CDC14A: variants seen among roughly 807,000 people sequenced by gnomAD.
CDC14A encodes the protein dual specificity protein phosphatase CDC14A.
A neutral mutation model predicts 74.4 loss-of-function variants in CDC14A; 53 were observed. That is an observed-to-expected ratio of 0.71 (90% confidence interval 0.57 to 0.89). The LOEUF is 0.89. CDC14A is among the 40% of genes least tolerant of loss of function. CDC14A has a pLI of 0.00. For missense variants in CDC14A, 646 were observed against 713.7 expected (o/e 0.91, Z 1.08); for synonymous variants, 247 against 258.4 (o/e 0.96, Z 0.43).
At chr1:100,409,779 G>A (rs111424924) in intron 4 of CDC14A, among the ~76,000 whole-genome samples, 28 of 152,262 alleles carry the variant, frequency 1.8e-4, no homozygotes, top group African/African-American at 6.0e-4. Context: ...CATAGGAATG[G>A]ACCCATCCTG....
chr1:100,419,147 C>T (rs955867609), intron 4 of CDC14A, among the ~76,000 whole-genome samples: 8 of 152,214 alleles, frequency 5.3e-5, no homozygotes, highest in African/African-American at 1.7e-4. Context: ...GATTGTGCCA[C>T]TGCACTCCAG....
chr1:100,494,719 A>T (rs1647519628), intron 11 of CDC14A, 99 bp from the exon 12 acceptor site: 1 of 620,706 alleles, frequency 1.6e-6, no homozygotes, highest in Non-Finnish European at 2.9e-6. Context: ...AATCTATATT[A>T]AGATAATCTG....
chr1:100,440,874 TCA>T (rs900101368), intron 6 of CDC14A, among the ~76,000 whole-genome samples: 3 of 152,320 alleles, frequency 2.0e-5, no homozygotes, highest in Admixed American at 6.5e-5. Context: ...TTAAACCCTA[TCA>T]AACTTTAAAA....
intron 4 of CDC14A, among the ~76,000 whole-genome samples, chr1:100,415,036 A>G (rs28361219): frequency 1.7e-3 from 259 of 152,278 alleles, no homozygotes; most frequent in African/African-American, 5.8e-3. Flanking sequence ...CACTGAGACA[A>G]TGCTAGCAAG....
At chr1:100,441,593 A>G (rs1664934036) in intron 6 of CDC14A, among the ~76,000 whole-genome samples, 2 of 152,220 alleles carry the variant, frequency 1.3e-5, no homozygotes, top group South Asian at 4.1e-4. Flanking sequence ...AATCCTTCAG[A>G]GAGTTTGTAT....
chr1:100,411,009 G>A (rs1660621918), intron 4 of CDC14A, among the ~76,000 whole-genome samples: 1 of 150,346 alleles, frequency 6.7e-6, no homozygotes. Flanking sequence ...TGGTAGAGCT[G>A]TATAGTGATT....
intron 7 of CDC14A, among the ~76,000 whole-genome samples, chr1:100,446,784 A>C (rs1264556497): frequency 6.6e-6 from 1 of 152,030 alleles, no homozygotes; most frequent in Non-Finnish European, 1.5e-5. Context: ...TGTAGCCTTG[A>C]CCCTCTGGGC....
At chr1:100,345,504 A>G (rs191549164) in intron 1 of CDC14A, among the ~76,000 whole-genome samples, 1 of 152,280 alleles carries the variant, frequency 6.6e-6, no homozygotes, top group Admixed American at 6.5e-5. Flanking sequence ...AATAATGCAT[A>G]CAGTTGGTGG....
intron 7 of CDC14A, among the ~76,000 whole-genome samples, chr1:100,447,282 G>T (rs899911082): frequency 6.6e-6 from 1 of 152,194 alleles, no homozygotes; most frequent in Non-Finnish European, 1.5e-5. Flanking sequence ...ATGGCCCATT[G>T]TATTAAGTAT....
At chr1:100,403,540 C>T (rs1303722980) in intron 4 of CDC14A, among the ~76,000 whole-genome samples, 2 of 152,244 alleles carry the variant, frequency 1.3e-5, no homozygotes, top group Non-Finnish European at 2.9e-5. Context: ...TGAAAGTATT[C>T]TGAAGACTGC....
chr1:100,365,941 TACACACACACACACAC>T (rs34281009), intron 2 of CDC14A, among the ~76,000 whole-genome samples: 4 of 142,394 alleles, frequency 2.8e-5, no homozygotes, highest in South Asian at 2.3e-4. Context: ...AACAAAATTT[TACACACACACACACAC>T]ACACACACAC....
chr1:100,499,321 T>C, intron 15 of CDC14A, 59 bp downstream of exon 15: 6 of 1,614,108 alleles, frequency 3.7e-6, no homozygotes, highest in Non-Finnish European at 5.1e-6. Flanking sequence ...TTCTGTGCCT[T>C]GCCTTCCCAG....
upstream of CDC14A, among the ~76,000 whole-genome samples, chr1:100,350,584 A>G (rs1650863357): frequency 6.6e-6 from 1 of 152,106 alleles, no homozygotes; most frequent in Non-Finnish European, 1.5e-5. Flanking sequence ...TTGGAAAATA[A>G]CAAGAAGGTG....
chr1:100,412,693 GTTTTATATATATATATATATATATATATA>G (rs1660869197), intron 4 of CDC14A, among the ~76,000 whole-genome samples: 2 of 52,422 alleles, frequency 3.8e-5, no homozygotes, highest in Admixed American at 2.0e-4. Flanking sequence ...CTTCCTGTAT[GTTTTATATATATATATATATATATATATA>G]TTTTATATAT....
At chr1:100,511,126 C>G (rs1177787567) in intron 15 of CDC14A, among the ~76,000 whole-genome samples, 1 of 152,146 alleles carries the variant, frequency 6.6e-6, no homozygotes, top group Non-Finnish European at 1.5e-5. Context: ...TTGCCCTAAC[C>G]ACTTCCTTCT....
chr1:100,369,735 C>T (rs1346604638), intron 2 of CDC14A, among the ~76,000 whole-genome samples: 1 of 152,026 alleles, frequency 6.6e-6, no homozygotes, highest in African/African-American at 2.4e-5. Context: ...TTAATTAGGT[C>T]CCACTTGTCA....
chr1:100,491,546 CTCTATA>C (rs1430285793), intron 11 of CDC14A, among the ~76,000 whole-genome samples: 9 of 39,928 alleles, frequency 2.3e-4, no homozygotes, highest in African/African-American at 4.5e-4. Flanking sequence ...CTCTCTCTCT[CTCTATA>C]TATATATATA....
rs375725963 is a variant in CDC14A, at chr1:100,462,869, G to A, written c.826G>A (p.Val276Ile). Residue 276 changes from valine (V) to isoleucine (I), a missense_variant, in exon 9 of 16, where the codon GTT becomes ATT. Physicochemically the swap from Val to Ile is conservative, Grantham distance 29. Coordinates refer to ENST00000336454, the MANE Select transcript of CDC14A (RefSeq NM_003672.4). The stretch of plus-strand genomic sequence containing the variant: ...TGAGAACACCGAAGGGGCCATCGCC[G>A]TTCACTGCAAAGGTGTGTGCAAGGC... ...ICENTEGAIAVHCKAGLGRTG... is the reference protein window; with the variant it reads ...ICENTEGAIAIHCKAGLGRTG... 29 of 1,613,376 alleles carry A rather than the reference G, an allele frequency of 1.8e-5. No homozygotes were observed. Among genetic ancestry groups the A allele is most frequent in the East Asian group, 1.3e-4 (6 of 44,848 alleles).
chr1:100,395,524 C>T (rs1658350925), intron 4 of CDC14A, among the ~76,000 whole-genome samples: 1 of 152,160 alleles, frequency 6.6e-6, no homozygotes, highest in African/African-American at 2.4e-5. Context: ...TGTATCTTTC[C>T]ATCTCTGTTG....
Sources: gnomAD v4.1 joint callset for allele counts (sites outside exome capture counted in the v4.1 genomes callset) on GRCh38, gnomAD v4.1.1 for gene constraint, MANE v1.5 for transcripts, NCBI Gene and HGNC (gene_info 2026-07-23, HGNC 2026-07-21) for gene names.